GID4: variants seen among roughly 807,000 people sequenced by gnomAD.
GID4 encodes the protein glucose-induced degradation protein 4 homolog.
Under a neutral mutation model 32.4 loss-of-function variants are expected in GID4, and 7 were observed. The observed-to-expected ratio is 0.22, with a 90% CI of 0.12 to 0.41. The LOEUF (loss-of-function observed/expected upper bound fraction) is 0.41, where lower values mean the gene tolerates loss of function less well. Ranked by LOEUF, GID4 falls within the 10% of genes least tolerant of loss-of-function variation. GID4 has a pLI of 1.00. For missense variants in GID4, 309 were observed against 400.0 expected, an observed-to-expected ratio of 0.77 and a Z score of 1.94; for synonymous variants, 166 against 170.0, an observed-to-expected ratio of 0.98 and a Z score of 0.18.
rs1406510354 is a variant in GID4, at chr17:18,045,160, G to T, written c.452G>T (p.Gly151Val). The T allele has an allele frequency of 6.2e-7, 1 of 1,613,458 alleles. No homozygotes were observed. The highest frequency in any genetic ancestry group is 1.7e-5 in the Admixed American group (1 of 60,002). Residue 151 changes from glycine (G) to valine (V), a missense_variant, in exon 2 of 6, where the codon GGG (glycine) becomes GTG (valine). By Grantham distance (109) the Gly-to-Val change is moderately radical. Around this residue, in one of 2 missense-constraint regions of GID4, gnomAD observed 116 missense variants for 214.2 expected, o/e 0.54. Transcript: ENST00000268719. ...VEVVLQHVDT[G>V]NSYLCGYLKI... ...CTTTCTTTTCAGCACGTGGACACGG[G>T]GAACTCTTACCTTTGTGGGTACTTG...
Position 18,039,524 on chromosome 17 carries a change from G to A in GID4, c.60G>A (p.Ser20=). ...GTQLRTGRPC[S]QVPGSRWRPE... Reference sequence around the variant, plus strand: ...AGCTCAGGACTGGGAGGCCCTGCTCGCAGGTCCCTGGGTCCCGGTGGCGGC... The same window carrying A: ...AGCTCAGGACTGGGAGGCCCTGCTCACAGGTCCCTGGGTCCCGGTGGCGGC... Residue 20 remains serine, a synonymous_variant, in exon 1 of 6, where the codon TCG becomes TCA. Transcript: ENST00000268719. The surrounding 1 kb of genome is among the most constrained non-coding windows in gnomAD (Gnocchi z 5.3). 1 of 1,310,170 alleles carries A rather than the reference G, an allele frequency of 7.6e-7. No homozygotes were observed. Among genetic ancestry groups the A allele is most frequent in the Non-Finnish European group, 9.7e-7 (1 of 1,034,034 alleles). The allele number at this position is 1,310,170 out of a possible 1,614,324, so 81.2% of individuals were successfully genotyped here.
intron 4 of GID4, among the ~76,000 whole-genome samples, chr17:18,060,147 C>G (rs532023311): frequency 7.9e-4 from 119 of 150,234 alleles, no homozygotes; most frequent in Non-Finnish European, 1.5e-3. Flanking sequence ...TGCCTGTAAT[C>G]CCAGCACTTT....
chr17:18,045,134 C>A lies in GID4; in HGVS notation c.439-13C>A. 6.2e-7 allele frequency: 1 copy of A among 1,608,102 alleles called. No homozygotes were observed. Among genetic ancestry groups the A allele is most frequent in the Non-Finnish European group, 8.5e-7 (1 of 1,174,648 alleles). ...TATCTATTTGTGACAGGCTGTGTAT[C>A]CTTTCTTTTCAGCACGTGGACACGG... On this transcript the variant is annotated splice_polypyrimidine_tract_variant and intron_variant, in intron 1 of 5. Transcript: ENST00000268719.
At chr17:18,051,048 T>C (rs1204383443) in intron 2 of GID4, among the ~76,000 whole-genome samples, 2 of 152,242 alleles carry the variant, frequency 1.3e-5, no homozygotes, top group African/African-American at 4.8e-5. Context: ...GAGGGTACCC[T>C]GTAGTTACCC....
At chr17:18,058,786 T>G in intron 3 of GID4, 82 bp from the exon 4 acceptor site, 1 of 882,484 alleles carries the variant, frequency 1.1e-6, no homozygotes, top group Non-Finnish European at 1.9e-6. Context: ...GGAAGGTGAG[T>G]TTACCTGGGC....
chr17:18,063,208 G>A (rs1206322746), intron 5 of GID4, among the ~76,000 whole-genome samples: 4 of 99,952 alleles, frequency 4.0e-5, no homozygotes, highest in African/African-American at 1.3e-4. Context: ...TCAGGAGTTC[G>A]ACACCAGCCT....
rs2142153057 is a variant in GID4, at chr17:18,061,129, T to C, written c.709-716T>C. ...TTTGTTTAAAAAGCAATGGGCTTGT[T>C]TTGCCTCCAAAGAATGTCTCAGAGT... is the stretch of plus-strand genomic sequence containing the variant. On this transcript the variant is annotated intron_variant, in intron 4 of 5. Coordinates refer to ENST00000268719, the MANE Select transcript of GID4 (RefSeq NM_024052.5). This position sits in a 1 kb window ranked among gnomAD's most constrained non-coding sequence, Gnocchi z 4.4. 2.6e-5 allele frequency among the ~76,000 whole-genome samples: 4 copies of C among 152,324 alleles called. No homozygotes were observed. In the South Asian group the frequency reaches 8.3e-4, roughly 32 times the overall value.
At chr17:18,046,296 A>C (rs1453173604) in intron 2 of GID4, among the ~76,000 whole-genome samples, 1 of 152,160 alleles carries the variant, frequency 6.6e-6, no homozygotes, top group Non-Finnish European at 1.5e-5. Context: ...TCATCTGCGA[A>C]GTTGAGAATT....
At chr17:18,051,723 G>C (rs2044911470) in intron 2 of GID4, among the ~76,000 whole-genome samples, 1 of 151,850 alleles carries the variant, frequency 6.6e-6, no homozygotes, top group African/African-American at 2.4e-5. Context: ...TGCAGGTGCT[G>C]ATTTATTGAG....
At chr17:18,058,775 G>A in intron 3 of GID4, 93 bp from the exon 4 acceptor site, 1 of 780,006 alleles carries the variant, frequency 1.3e-6, no homozygotes, top group Non-Finnish European at 2.2e-6. Flanking sequence ...GTCATGCCTT[G>A]GGAAGGTGAG....
At chr17:18,048,026 G>A (rs938898127) in intron 2 of GID4, among the ~76,000 whole-genome samples, 2 of 151,108 alleles carry the variant, frequency 1.3e-5, no homozygotes, top group East Asian at 1.9e-4. Flanking sequence ...TCAGCCTCCC[G>A]AGTAGCTGGG....
chr17:18,039,758 TGCCTCCGCG>T lies in GID4; in HGVS notation c.300_308del (p.Ala101_Ser103del), dbSNP rs765622907. 9.0e-6 allele frequency: 14 copies of T among 1,563,812 alleles called. No individual in the cohort carries two copies. The Admixed American group carries it at 1.1e-4, about 12-fold the overall frequency. On this transcript the variant is annotated inframe_deletion, in exon 1 of 6. Transcript: ENST00000268719. This position sits in a 1 kb window ranked among gnomAD's most constrained non-coding sequence, Gnocchi z 5.3. ...GTCCCCCGCCGGCCGGTGCCTCCGCTGCCTCCGCGGCCTCACTCATCCCGCCGCCGCCCA... is the reference window on the plus strand; with the variant it reads ...GTCCCCCGCCGGCCGGTGCCTCCGCTGCCTCACTCATCCCGCCGCCGCCCA...
At chr17:18,057,023 C>G (rs976287455) in intron 3 of GID4, 26 of 1,546,150 alleles carry the variant, frequency 1.7e-5, no homozygotes, top group Non-Finnish European at 2.3e-5. Flanking sequence ...TCATTATAAA[C>G]TAGAATCAGA....
At chr17:18,064,470 A>G (rs981317643) in intron 5 of GID4, among the ~76,000 whole-genome samples, 2 of 152,102 alleles carry the variant, frequency 1.3e-5, no homozygotes, top group African/African-American at 4.8e-5. Flanking sequence ...GCTTTTTCCT[A>G]CGTTCTTCCA....
chr17:18,052,627 T>G (rs2044923476), intron 2 of GID4, among the ~76,000 whole-genome samples: 1 of 152,192 alleles, frequency 6.6e-6, no homozygotes, highest in Admixed American at 6.5e-5. Flanking sequence ...GGTGCTTGGT[T>G]GGTTTCTACA....
At chr17:18,043,819 T>G (rs1212474814) in intron 1 of GID4, among the ~76,000 whole-genome samples, 2 of 152,216 alleles carry the variant, frequency 1.3e-5, no homozygotes, top group Non-Finnish European at 2.9e-5. Flanking sequence ...CACTTAACAT[T>G]AAAATCTCAG....
chr17:18,061,770 C>G lies in GID4; in HGVS notation c.709-75C>G. ...TTTCTCGAGTGGTCCTTAGAACCCC[C>G]TGATGCTTAACAGGGAGGCCCCGTG... On this transcript the variant is annotated intron_variant, in intron 4 of 5. Coordinates refer to ENST00000268719, the MANE Select transcript of GID4 (RefSeq NM_024052.5). The surrounding 1 kb of genome is among the most constrained non-coding windows in gnomAD (Gnocchi z 4.4). 6.9e-7 allele frequency: 1 copy of G among 1,448,396 alleles called. No individual in the cohort carries two copies. Among genetic ancestry groups the G allele is most frequent in the Non-Finnish European group, 9.7e-7 (1 of 1,034,196 alleles). The allele number at this position is 1,448,396 out of a possible 1,614,324, so 89.7% of individuals were successfully genotyped here.
In GID4 at chr17:18,061,533, C is replaced by T. The variant is rs1289395875; in HGVS notation, c.709-312C>T. Among the ~76,000 whole-genome samples the T allele has an allele frequency of 1.3e-5, 2 of 152,192 alleles. No individual in the cohort carries two copies. The highest frequency in any genetic ancestry group is 2.9e-5 in the Non-Finnish European group (2 of 68,032). ...TCTGAAAGATAGAGAGGCAGGCAGA[C>T]AGGCAGGTGAGTAGGTATTGATTTA... On this transcript the variant is annotated intron_variant, in intron 4 of 5. Transcript: ENST00000268719. The surrounding 1 kb of genome is among the most constrained non-coding windows in gnomAD (Gnocchi z 4.4).
chr17:18,052,507 T>C (rs1373654564), intron 2 of GID4, among the ~76,000 whole-genome samples: 1 of 152,156 alleles, frequency 6.6e-6, no homozygotes, highest in Non-Finnish European at 1.5e-5. Flanking sequence ...AACGTGGGCC[T>C]TCTGCAGTCC....
Sources: gnomAD v4.1 joint callset for allele counts (sites outside exome capture counted in the v4.1 genomes callset) on GRCh38, gnomAD v4.1.1 for gene constraint, gnomAD v4.1.1 regional missense constraint, Gnocchi (gnomAD v3.1) non-coding constraint, MANE v1.5 for transcripts, NCBI Gene and HGNC (gene_info 2026-07-23, HGNC 2026-07-21) for gene names.